The following RAB11A variants were observed in gnomAD, a reference collection of about 807,000 sequenced individuals.
The protein encoded by RAB11A is RAB11A, member RAS oncogene family.
In RAB11A, 9 loss-of-function variants were observed where a neutral mutation model predicts 28.0. The ratio of observed to expected loss-of-function variants is 0.32; its 90% CI spans 0.19 to 0.56. RAB11A has a LOEUF of 0.56. Ranked by LOEUF, RAB11A falls within the 20% of genes least tolerant of loss-of-function variation. The pLI is 0.91. For synonymous variants in RAB11A, 85 were observed against 88.2 expected, an observed-to-expected ratio of 0.96 and a Z score of 0.20; for missense variants, 108 against 269.6, an observed-to-expected ratio of 0.40 and a Z score of 4.20.
At chr15:65,872,681 G>A (rs945488559) in intron 1 of RAB11A, among the ~76,000 whole-genome samples, 25 of 151,358 alleles carry the variant, frequency 1.7e-4, no homozygotes, top group African/African-American at 5.8e-4. Flanking sequence ...TGATCCGCCC[G>A]CCTGGGCCTC....
chr15:65,883,441 G>A (rs964031453), intron 4 of RAB11A, among the ~76,000 whole-genome samples: 11 of 152,290 alleles, frequency 7.2e-5, no homozygotes, highest in African/African-American at 2.6e-4. Flanking sequence ...CACCACAGAA[G>A]TGTTCTCAGT....
intron 4 of RAB11A, 35 bp downstream of exon 4, chr15:65,879,786 C>A: frequency 6.9e-7 from 1 of 1,450,862 alleles, no homozygotes; most frequent in South Asian, 1.2e-5. Flanking sequence ...ACCAGTAGGA[C>A]TAGAAGTTTT....
chr15:65,880,912 T>A (rs1392409049), intron 4 of RAB11A, among the ~76,000 whole-genome samples: 1 of 152,188 alleles, frequency 6.6e-6, no homozygotes, highest in Non-Finnish European at 1.5e-5. Flanking sequence ...CCTAAAGGTT[T>A]TTTGTCTCAG....
At chr15:65,881,724 G>A (rs1046470844) in intron 4 of RAB11A, among the ~76,000 whole-genome samples, 5 of 151,904 alleles carry the variant, frequency 3.3e-5, no homozygotes, top group African/African-American at 4.8e-5. Flanking sequence ...GTTGATGCAC[G>A]CCTGTAATCC....
At position 65,869,516 on chromosome 15, in the gene RAB11A, C is replaced by T. The variant is rs971964415; in HGVS notation, c.-70C>T. ...AGTTGAAGCTCGGCGCTCGGGTTAC[C>T]CCTGCAGCGACGCCCCCTGGTCCCA... On this transcript the variant is annotated 5_prime_UTR_variant, in exon 1 of 5. Transcript: ENST00000261890. The T allele has an allele frequency of 1.7e-4, 266 of 1,580,180 alleles. 3 individuals are homozygous for T. Among genetic ancestry groups the T allele is most frequent in the Non-Finnish European group, 2.2e-4 (257 of 1,164,710 alleles).
In RAB11A at chr15:65,869,562, G is replaced by T. The variant is rs774211752; in HGVS notation, c.-24G>T. The stretch of plus-strand genomic sequence containing the variant: ...TCCCACAGATACCACTGCTGCTCCC[G>T]CCCTTTCGCTCCTCGGCCGCGCAAT... On this transcript the variant is annotated 5_prime_UTR_variant, in exon 1 of 5. Coordinates refer to ENST00000261890, the MANE Select transcript of RAB11A (RefSeq NM_004663.5). 2 of 1,608,680 alleles carry T rather than the reference G, an allele frequency of 1.2e-6. No homozygotes were observed. The highest frequency in any genetic ancestry group is 2.2e-5 in the South Asian group (2 of 90,966).
intron 4 of RAB11A, among the ~76,000 whole-genome samples, chr15:65,884,399 T>C (rs537824765): frequency 6.6e-6 from 1 of 152,262 alleles, no homozygotes; most frequent in South Asian, 2.1e-4. Flanking sequence ...CACTGTAAGT[T>C]TTAACTTCCT....
intron 1 of RAB11A, among the ~76,000 whole-genome samples, chr15:65,873,389 A>G (rs1486707870): frequency 6.6e-6 from 1 of 152,156 alleles, no homozygotes. Flanking sequence ...GTAATTAACC[A>G]TCAGCTGATT....
chr15:65,887,549 G>T, intron 4 of RAB11A, 152 bp from the exon 5 acceptor site: 1 of 683,414 alleles, frequency 1.5e-6, no homozygotes, highest in Non-Finnish European at 2.2e-6. Context: ...CTAATCAGTG[G>T]CTGTTTGAAA....
At chr15:65,886,616 A>G (rs1000731899) in intron 4 of RAB11A, among the ~76,000 whole-genome samples, 3 of 152,200 alleles carry the variant, frequency 2.0e-5, no homozygotes, top group Non-Finnish European at 2.9e-5. Flanking sequence ...GGACTTTATA[A>G]TCTAGTCACA....
intron 4 of RAB11A, among the ~76,000 whole-genome samples, chr15:65,885,209 TC>T (rs1460334525): frequency 1.4e-5 from 2 of 141,958 alleles, no homozygotes; most frequent in Non-Finnish European, 3.0e-5. Context: ...CACTACAACC[TC>T]CCCTCCGGGA....
At chr15:65,871,919 GTTTTTTTTTTT>G (rs960414631) in intron 1 of RAB11A, among the ~76,000 whole-genome samples, 1,175 of 72,068 alleles carry the variant, frequency 0.016, 24 homozygotes, top group South Asian at 0.11. Context: ...GGTTTTGTCA[GTTTTTTTTTTT>G]TTTTTTTTTT....
At position 65,889,562 on chromosome 15, in the gene RAB11A, G is replaced by A. The variant is rs1479528579; in HGVS notation, c.*1722G>A. 1 of 152,126 alleles carries A rather than the reference G, an allele frequency of 6.6e-6. No homozygotes were observed. The allele number at this position is 152,126 out of a possible 1,614,324, so 9.4% of individuals were successfully genotyped here. A position where few individuals can be genotyped will look rare whatever the true frequency, so the allele number is the denominator to read the frequency against. On this transcript the variant is annotated 3_prime_UTR_variant, in exon 5 of 5. Coordinates refer to ENST00000261890, the MANE Select transcript of RAB11A (RefSeq NM_004663.5). Reference sequence around the variant, plus strand: ...GCATTACTGAGTAAACATTGAATTGGGAGCATCAGTGTGTGAATTCAGCTT... The same window carrying A: ...GCATTACTGAGTAAACATTGAATTGAGAGCATCAGTGTGTGAATTCAGCTT...
At position 65,887,720 on chromosome 15, in the gene RAB11A, T is replaced by G. The variant is rs143344001; in HGVS notation, c.531T>G (p.Ser177=). ...TILTEIYRIV[S]QKQMSDRREN... is the part of the protein sequence containing the mutation. ...CTTCAGAGATTTACCGCATTGTTTC[T>G]CAGAAGCAAATGTCAGACAGACGCG... is the stretch of plus-strand genomic sequence containing the variant. Residue 177 remains serine (S), a synonymous_variant, in exon 5 of 5, where the codon TCT becomes TCG. Transcript: ENST00000261890. 2.5e-6 allele frequency: 4 copies of G among 1,613,014 alleles called. No individual in the cohort carries two copies. The highest frequency in any genetic ancestry group is 3.4e-6 in the Non-Finnish European group (4 of 1,179,518).
chr15:65,872,312 T>C (rs974929458), intron 1 of RAB11A, among the ~76,000 whole-genome samples: 1 of 151,952 alleles, frequency 6.6e-6, no homozygotes, highest in Non-Finnish European at 1.5e-5. Flanking sequence ...TAAATATTAT[T>C]AAAGAAAATA....
chr15:65,888,690 T>C lies in RAB11A; in HGVS notation c.*850T>C, dbSNP rs2078268831. 1 of 152,470 alleles carries C rather than the reference T, an allele frequency of 6.6e-6. No individual in the cohort carries two copies. Among genetic ancestry groups the C allele is most frequent in the Admixed American group, 6.5e-5 (1 of 15,278 alleles). The allele number at this position is 152,470 out of a possible 1,614,324, so 9.4% of individuals were successfully genotyped here. A position where few individuals can be genotyped will look rare whatever the true frequency, so the allele number is the denominator to read the frequency against. ...GCAATAATTGGTTTAATGCTGGTAGTGTCAAATTTTGAAGTGTTAATTTTG... is the reference window on the plus strand; with the variant it reads ...GCAATAATTGGTTTAATGCTGGTAGCGTCAAATTTTGAAGTGTTAATTTTG... On this transcript the variant is annotated 3_prime_UTR_variant, in exon 5 of 5. Transcript: ENST00000261890.
intron 4 of RAB11A, among the ~76,000 whole-genome samples, chr15:65,881,510 C>T (rs1046256269): frequency 3.9e-5 from 6 of 152,088 alleles, no homozygotes; most frequent in Non-Finnish European, 7.4e-5. Context: ...TTAGACAGTC[C>T]TCATTGTTGG....
intron 3 of RAB11A, 52 bp from the exon 4 acceptor site, chr15:65,879,619 C>A: frequency 7.2e-7 from 1 of 1,398,506 alleles, no homozygotes; most frequent in Non-Finnish European, 1.0e-6. Flanking sequence ...TGAGTATATC[C>A]TATTCCTTGT....
rs192216306 is a variant in RAB11A, at chr15:65,869,550, A to G, written c.-36A>G. On this transcript the variant is annotated 5_prime_UTR_variant, in exon 1 of 5. Coordinates refer to ENST00000261890, the MANE Select transcript of RAB11A (RefSeq NM_004663.5). ...GACGCCCCCTGGTCCCACAGATACC[A>G]CTGCTGCTCCCGCCCTTTCGCTCCT... 4.5e-4 allele frequency: 715 copies of G among 1,606,330 alleles called. 6 individuals are homozygous for G. In the African/African-American group the frequency reaches 8.2e-3, roughly 18 times the overall value.
Sources: allele counts gnomAD v4.1 joint callset (sites outside exome capture counted in the v4.1 genomes callset), GRCh38; gene constraint gnomAD v4.1.1; transcripts MANE v1.5; gene names NCBI Gene and HGNC (gene_info 2026-07-23, HGNC 2026-07-21).